Variants in PCDHGA6 observed in about 807,000 individuals in gnomAD.
PCDHGA6 encodes the protein protocadherin gamma-A6.
A neutral mutation model predicts 60.6 loss-of-function variants in PCDHGA6; 41 were observed. The observed-to-expected ratio is 0.68, with a 90% CI of 0.53 to 0.88. The LOEUF (loss-of-function observed/expected upper bound fraction) is 0.88. Ranked by LOEUF, PCDHGA6 falls within the 40% of genes least tolerant of loss-of-function variation. The pLI is 0.00. For missense variants in PCDHGA6, 1,312 were observed against 1,203.0 expected, an observed-to-expected ratio of 1.09 and a Z score of -1.34; for synonymous variants, 594 against 524.4, an observed-to-expected ratio of 1.13 and a Z score of -1.81.
intron 1 of PCDHGA6, chr5:141,388,637 T>C (rs993746447): frequency 6.2e-7 from 1 of 1,613,880 alleles, no homozygotes; most frequent in Non-Finnish European, 8.5e-7. Flanking sequence ...GGGTGAGCCT[T>C]TCAGAAAACG....
chr5:141,471,044 CT>C (rs1432278092), intron 1 of PCDHGA6, among the ~76,000 whole-genome samples: 3 of 136,442 alleles, frequency 2.2e-5, no homozygotes. Flanking sequence ...AGCCCAAGCC[CT>C]CTTTTTTTTT....
intron 2 of PCDHGA6, among the ~76,000 whole-genome samples, chr5:141,496,334 G>T (rs959266723): frequency 2.6e-5 from 4 of 152,240 alleles, no homozygotes; most frequent in Admixed American, 6.5e-5. Context: ...GAAGTCAGGA[G>T]CCTGGAGGAG....
chr5:141,463,615 A>G (rs1336539466), intron 1 of PCDHGA6, among the ~76,000 whole-genome samples: 1 of 151,408 alleles, frequency 6.6e-6, no homozygotes, highest in Admixed American at 6.6e-5. Context: ...TGCCCGGCTA[A>G]TTTTTTGTAT....
chr5:141,384,708 G>A (rs1222018997), intron 1 of PCDHGA6: 3 of 1,613,998 alleles, frequency 1.9e-6, no homozygotes, highest in Non-Finnish European at 2.5e-6. Flanking sequence ...AGAACGCCTG[G>A]CTGTCATACC....
At chr5:141,430,996 G>A (rs1256552269) in intron 1 of PCDHGA6, 6 of 1,614,024 alleles carry the variant, frequency 3.7e-6, no homozygotes, top group Non-Finnish European at 5.1e-6. Context: ...CCCTGAATCC[G>A]CGCAGCGGCA....
rs1292946472 is a variant in PCDHGA6 at position 141,382,951 on chromosome 5, A to G, written c.2424+6444A>G. 2 of 1,600,898 alleles carry G rather than the reference A, an allele frequency of 1.2e-6. No homozygotes were observed. The highest frequency in any genetic ancestry group is 1.7e-6 in the Non-Finnish European group (2 of 1,171,390). On this transcript the variant is annotated intron_variant, in intron 1 of 3. Coordinates refer to ENST00000517434, the MANE Select transcript of PCDHGA6 (RefSeq NM_018919.3). ...CTACAGAGGATTCTTCCTGCTCTCCATCCTCCTGGGGACCCCCTGGGAAGC... is the reference window on the plus strand; with the variant it reads ...CTACAGAGGATTCTTCCTGCTCTCCGTCCTCCTGGGGACCCCCTGGGAAGC...
chr5:141,442,317 A>T (rs1257883989), intron 1 of PCDHGA6: 2 of 152,400 alleles, frequency 1.3e-5, no homozygotes, highest in Admixed American at 6.5e-5. Context: ...ACGGATGTCT[A>T]TCCCGCGCTA....
At chr5:141,410,393 C>G in intron 1 of PCDHGA6, 3 of 1,614,046 alleles carry the variant, frequency 1.9e-6, no homozygotes, top group Non-Finnish European at 2.5e-6. Flanking sequence ...CCATCCTGGT[C>G]TCTGTGTCAA....
chr5:141,458,718 C>T (rs569153299), intron 1 of PCDHGA6, among the ~76,000 whole-genome samples: 3 of 151,942 alleles, frequency 2.0e-5, no homozygotes, highest in African/African-American at 4.8e-5. Context: ...TACAGGTATT[C>T]GCCACCACAT....
rs1770482486 is a variant in PCDHGA6 at position 141,374,416 on chromosome 5, G to T, written c.333G>T (p.Glu111Asp). 6.2e-7 allele frequency: 1 copy of T among 1,613,830 alleles called. No homozygotes were observed. The highest frequency in any genetic ancestry group is 8.5e-7 in the Non-Finnish European group (1 of 1,179,904). The change falls in exon 1 of 4, where the codon GAG becomes GAT. Residue 111 changes from glutamate to aspartate, a missense_variant. Glu to Asp is a conservative substitution (Grantham distance 45). Transcript: ENST00000517434. Reference sequence around the variant, plus strand: ...TGGTGAGTTTTAACATCCTTGTCGAGGATAAACTGAATCTTTATCCCGTGG... The same window carrying T: ...TGGTGAGTTTTAACATCCTTGTCGATGATAAACTGAATCTTTATCCCGTGG... ...RCLVSFNILV[E>D]DKLNLYPVEV...
chr5:141,388,626 A>C, intron 1 of PCDHGA6: 1 of 1,613,974 alleles, frequency 6.2e-7, no homozygotes, highest in Non-Finnish European at 8.5e-7. Flanking sequence ...AGACGTATAC[A>C]GGGTGAGCCT....
chr5:141,459,827 A>T (rs779024675), intron 1 of PCDHGA6, among the ~76,000 whole-genome samples: 1 of 152,126 alleles, frequency 6.6e-6, no homozygotes, highest in Non-Finnish European at 1.5e-5. Context: ...GCAACTTTTC[A>T]TGTGTTGTCT....
intron 1 of PCDHGA6, among the ~76,000 whole-genome samples, chr5:141,446,824 A>T (rs973108119): frequency 1.3e-5 from 2 of 152,156 alleles, no homozygotes; most frequent in African/African-American, 4.8e-5. Flanking sequence ...AGATGGGTAG[A>T]TCCTTATAAG....
intron 1 of PCDHGA6, chr5:141,478,893 T>G (rs1469313900): frequency 1.8e-6 from 2 of 1,102,894 alleles, no homozygotes; most frequent in Admixed American, 3.1e-5. Flanking sequence ...TCATTTACAT[T>G]AGGAATAAGC....
intron 1 of PCDHGA6, chr5:141,413,717 A>C: frequency 6.2e-7 from 1 of 1,613,382 alleles, no homozygotes; most frequent in Non-Finnish European, 8.5e-7. Flanking sequence ...CCCAATAAGC[A>C]CTTCTCCCTA....
intron 1 of PCDHGA6, among the ~76,000 whole-genome samples, chr5:141,460,958 T>C (rs182414946): frequency 8.2e-6 from 1 of 121,926 alleles, no homozygotes; most frequent in Non-Finnish European, 1.6e-5. Context: ...TATGTATATA[T>C]ATATGTGTGT....
chr5:141,380,612 A>G (rs1163500028), intron 1 of PCDHGA6, among the ~76,000 whole-genome samples: 1 of 152,204 alleles, frequency 6.6e-6, no homozygotes, highest in African/African-American at 2.4e-5. Context: ...TAATTTTATG[A>G]TGTTCGATAA....
intron 1 of PCDHGA6, among the ~76,000 whole-genome samples, chr5:141,452,316 T>C (rs2098738639): frequency 6.6e-6 from 1 of 152,208 alleles, no homozygotes; most frequent in Non-Finnish European, 1.5e-5. Flanking sequence ...ACTCATACTT[T>C]CCTTGTTCCA....
intron 1 of PCDHGA6, chr5:141,415,179 G>A: frequency 6.2e-7 from 1 of 1,613,934 alleles, no homozygotes; most frequent in Non-Finnish European, 8.5e-7. Flanking sequence ...CCGTGGCCGT[G>A]GCCGACAGCA....
Sources: allele counts gnomAD v4.1 joint callset (sites outside exome capture counted in the v4.1 genomes callset), GRCh38; gene constraint gnomAD v4.1.1; transcripts MANE v1.5; gene names NCBI Gene and HGNC (gene_info 2026-07-23, HGNC 2026-07-21).